Variants in TMEM135 observed in about 807,000 individuals in gnomAD.
TMEM135 encodes peroxisomal membrane protein 52.
TMEM135 carries 30 observed loss-of-function variants against 60.3 expected under a neutral mutation model. That is an observed-to-expected ratio of 0.50 (90% CI 0.37 to 0.68). The LOEUF is 0.68. Ranked by LOEUF, TMEM135 falls within the 30% of genes least tolerant of loss-of-function variation. TMEM135 has a pLI of 0.00. For missense variants in TMEM135, 468 were observed against 548.8 expected (o/e 0.85, Z 1.47); for synonymous variants, 190 against 186.7 (o/e 1.02, Z -0.14).
At chr11:87,254,743 C>G (rs1329418598) in intron 6 of TMEM135, among the ~76,000 whole-genome samples, 1 of 152,124 alleles carries the variant, frequency 6.6e-6, no homozygotes, top group Non-Finnish European at 1.5e-5. Context: ...CAGATGTGAG[C>G]TACTCCACAA....
intron 5 of TMEM135, among the ~76,000 whole-genome samples, chr11:87,191,108 C>T (rs1939787929): frequency 6.6e-6 from 1 of 152,168 alleles, no homozygotes; most frequent in Admixed American, 6.5e-5. Flanking sequence ...CTTAGTTCCT[C>T]ACCAGCTTGA....
intron 6 of TMEM135, among the ~76,000 whole-genome samples, chr11:87,290,496 C>A (rs898697897): frequency 2.0e-5 from 3 of 152,152 alleles, no homozygotes; most frequent in African/African-American, 7.2e-5. Context: ...CTAGCGACAT[C>A]TGCTGGTACA....
chr11:87,242,293 A>G (rs1033035548), intron 6 of TMEM135, among the ~76,000 whole-genome samples: 2 of 151,898 alleles, frequency 1.3e-5, no homozygotes, highest in African/African-American at 4.8e-5. Flanking sequence ...GCTATTGTGA[A>G]TAGTGCCGCA....
chr11:87,054,985 C>T (rs145615147), intron 1 of TMEM135, among the ~76,000 whole-genome samples: 9 of 152,148 alleles, frequency 5.9e-5, no homozygotes, highest in Non-Finnish European at 7.4e-5. Flanking sequence ...TTACATGTTA[C>T]CTACAATGAG....
At chr11:87,152,157 G>A (rs1176232130) in intron 4 of TMEM135, among the ~76,000 whole-genome samples, 1 of 152,104 alleles carries the variant, frequency 6.6e-6, no homozygotes, top group Non-Finnish European at 1.5e-5. Flanking sequence ...GAGTGAAATT[G>A]TAGCTACCTT....
intron 5 of TMEM135, among the ~76,000 whole-genome samples, chr11:87,162,008 A>G (rs1435831525): frequency 6.6e-6 from 1 of 152,172 alleles, no homozygotes; most frequent in African/African-American, 2.4e-5. Flanking sequence ...TTAATAGCTC[A>G]TGTTCTAATT....
Position 87,326,814 on chromosome 11 carries a change from G to A in TMEM135, c.*5481G>A. ...CTGAGTCGGCAGTTTTTGATAGCCT[G>A]TCACTGCTCAGGGATAGCACTAAGG... On this transcript the variant is annotated 3_prime_UTR_variant, in exon 15 of 15. Transcript: ENST00000305494. The A allele has an allele frequency of 2.2e-6, 1 of 447,768 alleles. No individual in the cohort carries two copies. Among genetic ancestry groups the A allele is most frequent in the Non-Finnish European group, 4.4e-6 (1 of 225,380 alleles). 27.7% of individuals were successfully genotyped at this position (447,768 alleles called of 1,614,324 possible).
chr11:87,098,273 G>A (rs1346786717), intron 4 of TMEM135, among the ~76,000 whole-genome samples: 4 of 152,012 alleles, frequency 2.6e-5, no homozygotes, highest in Admixed American at 6.6e-5. Flanking sequence ...AGGATTTATA[G>A]GAGACATACC....
intron 11 of TMEM135, among the ~76,000 whole-genome samples, 184 bp from the exon 12 acceptor site, chr11:87,314,287 T>C (rs566285990): frequency 6.6e-6 from 1 of 152,022 alleles, no homozygotes; most frequent in African/African-American, 2.4e-5. Context: ...TATCAATTTT[T>C]TAAATTTAAA....
chr11:87,068,913 A>T (rs896921445), intron 2 of TMEM135, among the ~76,000 whole-genome samples: 14 of 152,300 alleles, frequency 9.2e-5, no homozygotes, highest in Middle Eastern at 3.4e-3. Context: ...TATGCAGAAA[A>T]TAATTGATAA....
intron 4 of TMEM135, among the ~76,000 whole-genome samples, chr11:87,131,804 C>T (rs946682886): frequency 6.6e-6 from 1 of 152,162 alleles, no homozygotes; most frequent in Non-Finnish European, 1.5e-5. Flanking sequence ...GGCCATACAA[C>T]AGGAGGTGAA....
rs143534802 is a variant in TMEM135, at chr11:87,275,084, C to T, written c.510-20698C>T. 2.0e-5 allele frequency among the ~76,000 whole-genome samples: 3 copies of T among 151,530 alleles called. No homozygotes were observed. The East Asian group carries it at 5.8e-4, about 29-fold the overall frequency. Reference sequence around the variant, plus strand: ...ATGCCCTTGTGTTTATGTTCAGACCCCTGCAATTTTTCTGTTAAAATAAAA... The same window carrying T: ...ATGCCCTTGTGTTTATGTTCAGACCTCTGCAATTTTTCTGTTAAAATAAAA... On this transcript the variant is annotated intron_variant, in intron 6 of 14. Coordinates refer to ENST00000305494, the MANE Select transcript of TMEM135 (RefSeq NM_022918.4).
rs1256367665 is a variant in TMEM135 at position 87,259,143 on chromosome 11, G to T, written c.509+22459G>T. 4 of 684,884 alleles carry T rather than the reference G, an allele frequency of 5.8e-6. No homozygotes were observed. The Admixed American group carries it at 5.9e-5, about 10-fold the overall frequency. The allele number at this position is 684,884 out of a possible 1,614,324, so 42.4% of individuals were successfully genotyped here. Reference sequence around the variant, plus strand: ...CTCCATCAGGCCCCATAGTCTCTCCGACCAGGTCTCATCTAGCTTCTCCTC... The same window carrying T: ...CTCCATCAGGCCCCATAGTCTCTCCTACCAGGTCTCATCTAGCTTCTCCTC... On this transcript the variant is annotated intron_variant, in intron 6 of 14. Coordinates refer to ENST00000305494, the MANE Select transcript of TMEM135 (RefSeq NM_022918.4).
chr11:87,326,631 C>T lies in TMEM135; in HGVS notation c.*5298C>T, dbSNP rs1245920739. On this transcript the variant is annotated 3_prime_UTR_variant, in exon 15 of 15. Transcript: ENST00000305494. ...TCTCCTATTCTTTTCTTTACCTTTC[C>T]TGGCCCATGCTTTCCTGCCATATCT... The T allele has an allele frequency of 2.2e-6, 1 of 453,856 alleles. No homozygotes were observed. The highest frequency in any genetic ancestry group is 4.4e-6 in the Non-Finnish European group (1 of 226,760). 28.1% of individuals were successfully genotyped at this position (453,856 alleles called of 1,614,324 possible). A position where few individuals can be genotyped will look rare whatever the true frequency, so the allele number is the denominator to read the frequency against.
chr11:87,247,162 G>T (rs974452113), intron 6 of TMEM135, among the ~76,000 whole-genome samples: 2 of 151,834 alleles, frequency 1.3e-5, no homozygotes, highest in Non-Finnish European at 2.9e-5. Context: ...GGCTGCAGAA[G>T]AGCGGATTTT....
At chr11:87,182,120 G>A (rs965993953) in intron 5 of TMEM135, among the ~76,000 whole-genome samples, 1 of 151,830 alleles carries the variant, frequency 6.6e-6, no homozygotes, top group African/African-American at 2.4e-5. Flanking sequence ...TTAAAATGAA[G>A]TTTCTACTTA....
At chr11:87,295,092 A>G (rs1180789731) in intron 6 of TMEM135, among the ~76,000 whole-genome samples, 1 of 152,168 alleles carries the variant, frequency 6.6e-6, no homozygotes, top group Non-Finnish European at 1.5e-5. Context: ...GTAGCAATGC[A>G]ATAGAGAAAA....
intron 4 of TMEM135, among the ~76,000 whole-genome samples, chr11:87,100,385 C>T (rs1317414992): frequency 1.3e-5 from 2 of 152,022 alleles, no homozygotes; most frequent in Non-Finnish European, 2.9e-5. Context: ...GTGCTTGTTT[C>T]AGAACAGGTA....
chr11:87,299,318 C>T lies in TMEM135; in HGVS notation c.552-2978C>T, dbSNP rs187818069. On this transcript the variant is annotated intron_variant, in intron 7 of 14. Coordinates refer to ENST00000305494, the MANE Select transcript of TMEM135 (RefSeq NM_022918.4). Reference sequence around the variant, plus strand: ...GCCAAGAGGAAGCAGGCTTCTTCTTCACAAGGTGGCAGGAGAGGGAGAGAG... The same window carrying T: ...GCCAAGAGGAAGCAGGCTTCTTCTTTACAAGGTGGCAGGAGAGGGAGAGAG... Among the ~76,000 whole-genome samples the T allele has an allele frequency of 2.1e-3, 315 of 152,300 alleles. 1 individual carries two copies. Among genetic ancestry groups the T allele is most frequent in the African/African-American group, 7.3e-3 (303 of 41,574 alleles).
Sources: gnomAD v4.1 joint callset for allele counts (sites outside exome capture counted in the v4.1 genomes callset) on GRCh38, gnomAD v4.1.1 for gene constraint, MANE v1.5 for transcripts, NCBI Gene and HGNC (gene_info 2026-07-23, HGNC 2026-07-21) for gene names.